LRRN4: variants seen among roughly 807,000 people sequenced by gnomAD.
The protein encoded by LRRN4 is leucine-rich repeat neuronal protein 4.
Under a neutral mutation model 22.3 loss-of-function variants are expected in LRRN4, and 26 were observed. The observed-to-expected ratio is 1.16, with a 90% CI of 0.85 to 1.62. The LOEUF is 1.62. Ranked by LOEUF, LRRN4 falls within the 40% of genes most tolerant of loss-of-function variation. The pLI, the probability that LRRN4 is intolerant of heterozygous loss-of-function variation, is 0.00. For synonymous variants in LRRN4, 496 were observed against 486.2 expected (o/e 1.02, Z -0.26); for missense variants, 1,070 against 1,008.5 (o/e 1.06, Z -0.83).
intron 2 of LRRN4, 134 bp downstream of exon 2, chr20:6,052,011 G>T: frequency 1.8e-6 from 2 of 1,097,102 alleles, no homozygotes; most frequent in Non-Finnish European, 2.5e-6. Flanking sequence ...TGTAGCTGGT[G>T]TCTTTTTGAA....
At position 6,040,832 on chromosome 20, in the gene LRRN4, TAGAA is replaced by T; in HGVS notation, c.*186_*189del. 2 of 730,434 alleles carry T rather than the reference TAGAA, an allele frequency of 2.7e-6. No individual in the cohort carries two copies. Among genetic ancestry groups the T allele is most frequent in the Non-Finnish European group, 4.4e-6 (2 of 457,872 alleles). The allele number at this position is 730,434 out of a possible 1,614,324, so 45.2% of individuals were successfully genotyped here. A position where few individuals can be genotyped will look rare whatever the true frequency, so the allele number is the denominator to read the frequency against. On this transcript the variant is annotated 3_prime_UTR_variant, in exon 5 of 5. Transcript: ENST00000378858. ...TCAGGTTTCTGGGAACAGAGTTAAG[TAGAA>T]GGAAGGGAGGGCAGCAGTTCCTTGG...
chr20:6,048,524 A>G (rs1259123799), intron 3 of LRRN4, among the ~76,000 whole-genome samples: 1 of 152,218 alleles, frequency 6.6e-6, no homozygotes, highest in Non-Finnish European at 1.5e-5. Context: ...TTTACTAGCT[A>G]TGTGAACTGG....
Position 6,042,231 on chromosome 20 carries a change from C to T in LRRN4, c.1014G>A (p.Met338Ile). 2 of 1,611,148 alleles carry T rather than the reference C, an allele frequency of 1.2e-6. No individual in the cohort carries two copies. The highest frequency in any genetic ancestry group is 1.7e-6 in the Non-Finnish European group (2 of 1,178,722). The part of the protein sequence containing the change: ...RTVLSRAADT[M>I]CAPAAGSSGP... ...CGCTGGATCCCGCAGCTGGCGCGCA[C>T]ATAGTGTCTGCTGCCCTGGAGGGGA... The change falls in exon 5 of 5, where the codon ATG (methionine) becomes ATA (isoleucine). Residue 338 changes from methionine (M) to isoleucine (I), a missense_variant. By Grantham distance (10) the Met-to-Ile change is conservative. Transcript: ENST00000378858.
In LRRN4 at chr20:6,041,277, C is replaced by T. The variant is rs745803696; in HGVS notation, c.1968G>A (p.Arg656=). ...TYRVCVLAAN[R]AGLSQPRSSG... ...AAGACCGTGGCTGGCTCAAGCCCGC[C>T]CTGTTGGCCGCCAGCACGCACACGC... Residue 656 remains arginine, a synonymous_variant, in exon 5 of 5, where the codon AGG becomes AGA. Coordinates refer to ENST00000378858, the MANE Select transcript of LRRN4 (RefSeq NM_152611.5). The surrounding 1 kb of genome is among the most constrained non-coding windows in gnomAD (Gnocchi z 9.4). 1.3e-5 allele frequency: 20 copies of T among 1,591,384 alleles called. No homozygotes were observed. In the East Asian group the frequency reaches 3.1e-4, roughly 25 times the overall value.
In LRRN4 at chr20:6,052,205, C is replaced by A; in HGVS notation, c.595G>T (p.Asp199Tyr). ...TCGAGCGTGACCAGGGGCGCGCCATCCTCTCCAGCGAACGCCGCCTCGGCG... is the reference window on the plus strand; with the variant it reads ...TCGAGCGTGACCAGGGGCGCGCCATACTCTCCAGCGAACGCCGCCTCGGCG... The part of the protein sequence containing the change: ...GIAEAAFAGE[D>Y]GAPLVTLEVL... The change falls in exon 2 of 5, where the codon GAT becomes TAT. Residue 199 changes from aspartate to tyrosine, a missense_variant. By Grantham distance (160) the Asp-to-Tyr change is radical. Coordinates refer to ENST00000378858, the MANE Select transcript of LRRN4 (RefSeq NM_152611.5). 1 of 1,594,728 alleles carries A rather than the reference C, an allele frequency of 6.3e-7. No homozygotes were observed. The highest frequency in any genetic ancestry group is 2.3e-5 in the East Asian group (1 of 43,856).
At chr20:6,044,809 C>T (rs6085357) in intron 3 of LRRN4, 129 bp from the exon 4 acceptor site, 87,805 of 786,462 alleles carry the variant, frequency 0.11, 5,462 homozygotes, top group Middle Eastern at 0.22. Context: ...TGGAGAATAC[C>T]GCTTTGGGCA....
chr20:6,043,742 C>T (rs1038470068), intron 4 of LRRN4, among the ~76,000 whole-genome samples: 4 of 151,962 alleles, frequency 2.6e-5, no homozygotes, highest in Admixed American at 6.6e-5. Context: ...TCCATCTCTA[C>T]AAAAAGATTA....
chr20:6,045,299 C>T (rs1289194943), intron 3 of LRRN4, among the ~76,000 whole-genome samples: 3 of 147,854 alleles, frequency 2.0e-5, no homozygotes, highest in Non-Finnish European at 3.0e-5. Flanking sequence ...ATTAGCCGGG[C>T]GGTAGTGGTG....
intron 3 of LRRN4, among the ~76,000 whole-genome samples, chr20:6,046,019 G>A (rs537958983): frequency 6.7e-6 from 1 of 149,310 alleles, no homozygotes; most frequent in South Asian, 2.1e-4. Context: ...TAGACTCCTT[G>A]AAATATGGGG....
At chr20:6,051,933 C>T (rs912584513) in intron 2 of LRRN4, among the ~76,000 whole-genome samples, 1 of 152,206 alleles carries the variant, frequency 6.6e-6, no homozygotes, top group Non-Finnish European at 1.5e-5. Context: ...GTAACAGTTC[C>T]TATCTCTTAG....
intron 3 of LRRN4, among the ~76,000 whole-genome samples, chr20:6,045,893 G>A (rs1981090119): frequency 6.7e-6 from 1 of 148,918 alleles, no homozygotes; most frequent in African/African-American, 2.4e-5. Flanking sequence ...AATAGCAGGA[G>A]AGGGCAGGCC....
At position 6,041,968 on chromosome 20, in the gene LRRN4, C is replaced by T. The variant is rs529097982; in HGVS notation, c.1277G>A (p.Arg426Gln). The change falls in exon 5 of 5, where the codon CGG (arginine) becomes CAG (glutamine). Residue 426 changes from arginine to glutamine, a missense_variant. Transcript: ENST00000378858. This position sits in a 1 kb window ranked among gnomAD's most constrained non-coding sequence, Gnocchi z 9.4. ...TIAAWPHSDA[R>Q]EGTAPSTTNS... ...GGTCGTGGAGGGGGCAGTCCCCTCC[C>T]GTGCATCGCTGTGCGGCCATGCAGC... The T allele has an allele frequency of 6.2e-5, 100 of 1,614,068 alleles. 1 individual carries two copies. The South Asian group carries it at 8.7e-4, about 14-fold the overall frequency.
intron 3 of LRRN4, 139 bp downstream of exon 3, chr20:6,050,640 T>TG: frequency 1.2e-6 from 1 of 864,520 alleles, no homozygotes; most frequent in Non-Finnish European, 1.9e-6. Flanking sequence ...ACCCAAAGGG[T>TG]GGGGGAAAAC....
intron 4 of LRRN4, 61 bp from the exon 5 acceptor site, chr20:6,042,307 T>G: frequency 1.3e-6 from 2 of 1,518,626 alleles, no homozygotes; most frequent in Non-Finnish European, 1.8e-6. Flanking sequence ...TGCGCAGAGC[T>G]TTGAATCCTC....
intron 1 of LRRN4, 78 bp from the exon 2 acceptor site, chr20:6,052,882 A>G: frequency 7.2e-7 from 1 of 1,380,056 alleles, no homozygotes; most frequent in South Asian, 1.4e-5. Context: ...TCCCAACCCT[A>G]CCTCCAGGGC....
In LRRN4 at chr20:6,041,104, A is replaced by G; in HGVS notation, c.2141T>C (p.Leu714Pro). 2 of 1,612,448 alleles carry G rather than the reference A, an allele frequency of 1.2e-6. No homozygotes were observed. Among genetic ancestry groups the G allele is most frequent in the South Asian group, 1.1e-5 (1 of 91,022 alleles). ...CACCAGGTGCGTGTCGCAGCGCTGC[A>G]GGCCCAGCGTCTGGCCCCGCCTGCA... ...CLCRRGQTLGLQRCDTHLVAY... is the reference protein window; with the variant it reads ...CLCRRGQTLGPQRCDTHLVAY... Residue 714 changes from leucine (L) to proline (P), a missense_variant, in exon 5 of 5, where the codon CTG becomes CCG. Physicochemically the swap from Leu to Pro is moderately conservative, Grantham distance 98. Transcript: ENST00000378858. This position sits in a 1 kb window ranked among gnomAD's most constrained non-coding sequence, Gnocchi z 9.4.
In LRRN4 at chr20:6,040,984, G is replaced by C; in HGVS notation, c.*38C>G. ...GTCTGTGTCTTCCTTTTTGCGCTCA[G>C]ATCCAGTTCGATGAGACGCGTTATC... is the stretch of plus-strand genomic sequence containing the variant. On this transcript the variant is annotated 3_prime_UTR_variant, in exon 5 of 5. Transcript: ENST00000378858. 1 of 1,609,866 alleles carries C rather than the reference G, an allele frequency of 6.2e-7. No individual in the cohort carries two copies. The highest frequency in any genetic ancestry group is 1.3e-5 in the African/African-American group (1 of 74,908).
intron 3 of LRRN4, among the ~76,000 whole-genome samples, chr20:6,048,210 A>G (rs1186795698): frequency 6.9e-6 from 1 of 144,398 alleles, no homozygotes; most frequent in Non-Finnish European, 1.6e-5. Flanking sequence ...CCTCCAGGAC[A>G]TCACATTCTC....
At chr20:6,043,112 C>A (rs750083388) in intron 4 of LRRN4, among the ~76,000 whole-genome samples, 7 of 152,118 alleles carry the variant, frequency 4.6e-5, no homozygotes, top group African/African-American at 1.7e-4. Context: ...CAGCTCAAAT[C>A]AACAGTAGTA....
Sources: gnomAD v4.1 joint callset for allele counts (sites outside exome capture counted in the v4.1 genomes callset) on GRCh38, gnomAD v4.1.1 for gene constraint, Gnocchi (gnomAD v3.1) non-coding constraint, MANE v1.5 for transcripts, NCBI Gene and HGNC (gene_info 2026-07-23, HGNC 2026-07-21) for gene names.